The following CSMD2 variants were observed in gnomAD, a reference collection of about 807,000 sequenced individuals.
The protein encoded by CSMD2 is CUB and sushi domain-containing protein 2.
In CSMD2, 130 loss-of-function variants were observed where a neutral mutation model predicts 398.5. The observed-to-expected ratio is 0.33, with a 90% CI of 0.28 to 0.38. The LOEUF is 0.38. Ranked by LOEUF, CSMD2 falls within the 10% of genes least tolerant of loss-of-function variation. The probability of loss-of-function intolerance (pLI) is 1.00; values close to 1 mark genes in which losing one functional copy is unlikely to be tolerated. For missense variants in CSMD2, 3,829 were observed against 4,764.9 expected, an observed-to-expected ratio of 0.80 and a Z score of 5.78; for synonymous variants, 1,828 against 1,908.5, an observed-to-expected ratio of 0.96 and a Z score of 1.10.
In CSMD2 at chr1:33,521,478, C is replaced by T. The variant is rs746146936; in HGVS notation, c.10582G>A (p.Gly3528Ser). 26 of 1,612,098 alleles carry T rather than the reference C, an allele frequency of 1.6e-5. No homozygotes were observed. The highest frequency in any genetic ancestry group is 8.0e-5 in the African/African-American group (6 of 74,992). Reference protein sequence around the residue: ...SVKGQGFGQFGFQRLDLRLLE... With the variant: ...SVKGQGFGQFSFQRLDLRLLE... ...CACTAGTTACCCAGTCTTTGAAAGC[C>T]GAACTGCCCAAAGCCTTGGCCCTTG... Residue 3528 changes from glycine (G) to serine (S), a missense_variant, in exon 68 of 71, where the codon GGC becomes AGC. Coordinates refer to ENST00000373381, the MANE Select transcript of CSMD2 (RefSeq NM_001281956.2).
chr1:33,611,364 A>C, intron 40 of CSMD2, 114 bp from the exon 41 acceptor site: 1 of 899,390 alleles, frequency 1.1e-6, no homozygotes. Context: ...CTGATTTCCC[A>C]CCCAGCCAAG....
chr1:33,578,274 C>T (rs752000352), intron 48 of CSMD2, among the ~76,000 whole-genome samples: 46 of 152,154 alleles, frequency 3.0e-4, no homozygotes, highest in Middle Eastern at 3.2e-3. Context: ...GCTTGCAATA[C>T]AACAGTGAAG....
intron 19 of CSMD2, among the ~76,000 whole-genome samples, chr1:33,718,783 C>T (rs1402876950): frequency 1.3e-5 from 2 of 152,244 alleles, no homozygotes; most frequent in African/African-American, 2.4e-5. Flanking sequence ...AGATAAGCCT[C>T]TAATGCTAAA....
At chr1:33,529,962 G>A (rs148923782) in intron 64 of CSMD2, among the ~76,000 whole-genome samples, 7 of 152,202 alleles carry the variant, frequency 4.6e-5, no homozygotes, top group African/African-American at 9.6e-5. Flanking sequence ...AATGGACAAA[G>A]GATTTGAATA....
At chr1:33,698,397 G>A (rs114493382) in intron 24 of CSMD2, among the ~76,000 whole-genome samples, 112 of 152,300 alleles carry the variant, frequency 7.4e-4, no homozygotes, top group Admixed American at 3.0e-3. Context: ...GTTACGATAA[G>A]CCCTGGAACT....
intron 3 of CSMD2, among the ~76,000 whole-genome samples, chr1:33,979,565 T>G (rs1164259590): frequency 6.6e-6 from 1 of 152,158 alleles, no homozygotes; most frequent in African/African-American, 2.4e-5. Context: ...AGAAACAGAC[T>G]GGTAACAAGA....
chr1:33,938,380 CA>C (rs908904540), intron 3 of CSMD2, among the ~76,000 whole-genome samples: 2 of 150,274 alleles, frequency 1.3e-5, no homozygotes, highest in Non-Finnish European at 3.0e-5. Context: ...TGGCATTTCC[CA>C]TGATCCCCTG....
intron 1 of CSMD2, among the ~76,000 whole-genome samples, chr1:34,143,392 A>G (rs1639482586): frequency 6.6e-6 from 1 of 152,166 alleles, no homozygotes; most frequent in South Asian, 2.1e-4. Flanking sequence ...TGCCTCCTTC[A>G]GGAAGTCATC....
intron 2 of CSMD2, among the ~76,000 whole-genome samples, chr1:34,077,511 C>A (rs1159710560): frequency 7.4e-6 from 1 of 135,980 alleles, no homozygotes; most frequent in East Asian, 2.2e-4. Context: ...CCGAGGCGGG[C>A]GAATCATGAG....
chr1:33,737,646 C>T (rs1404019725), intron 15 of CSMD2, among the ~76,000 whole-genome samples: 6 of 152,072 alleles, frequency 3.9e-5, no homozygotes, highest in Non-Finnish European at 7.4e-5. Context: ...TGGTGAGAGT[C>T]GGGGCTCTGG....
At chr1:33,569,734 C>T (rs1462478045) in intron 51 of CSMD2, among the ~76,000 whole-genome samples, 187 bp from the exon 52 acceptor site, 5 of 152,202 alleles carry the variant, frequency 3.3e-5, no homozygotes, top group Admixed American at 2.6e-4. Flanking sequence ...TCTCCAGAAG[C>T]CCCTGAAGGT....
chr1:34,082,429 C>A (rs548097639), intron 2 of CSMD2, among the ~76,000 whole-genome samples: 1 of 151,932 alleles, frequency 6.6e-6, no homozygotes, highest in South Asian at 2.1e-4. Flanking sequence ...GGCGCCCCCG[C>A]CTGGCAGCCG....
At chr1:33,767,392 T>C (rs1650642639) in intron 13 of CSMD2, among the ~76,000 whole-genome samples, 1 of 152,320 alleles carries the variant, frequency 6.6e-6, no homozygotes, top group South Asian at 2.1e-4. Context: ...ACTTGAAAAA[T>C]ATGAGAACAT....
At chr1:33,819,622 G>A (rs1454002652) in intron 9 of CSMD2, 91 bp downstream of exon 9, 76 of 1,214,852 alleles carry the variant, frequency 6.3e-5, no homozygotes, top group Non-Finnish European at 8.4e-5. Flanking sequence ...GTCTGCTTGA[G>A]AGCCTGGGCC....
chr1:33,785,080 G>A (rs1310086411), intron 12 of CSMD2, among the ~76,000 whole-genome samples: 1 of 152,180 alleles, frequency 6.6e-6, no homozygotes, highest in Non-Finnish European at 1.5e-5. Flanking sequence ...AATTTGTCAC[G>A]GCTCCAAGGA....
At chr1:33,805,485 T>A (rs1276908263) in intron 10 of CSMD2, among the ~76,000 whole-genome samples, 1 of 152,180 alleles carries the variant, frequency 6.6e-6, no homozygotes, top group Non-Finnish European at 1.5e-5. Context: ...TTAGGTAAAA[T>A]TTTAAAATGA....
chr1:33,523,412 G>A lies in CSMD2; in HGVS notation c.10404C>T (p.Tyr3468=). The A allele has an allele frequency of 6.9e-7, 1 of 1,446,028 alleles. No individual in the cohort carries two copies. Among genetic ancestry groups the A allele is most frequent in the Non-Finnish European group, 9.6e-7 (1 of 1,039,490 alleles). 89.6% of individuals were successfully genotyped at this position (1,446,028 alleles called of 1,614,324 possible). A position where few individuals can be genotyped will look rare whatever the true frequency, so the allele number is the denominator to read the frequency against. The change falls in exon 67 of 71, where the codon TAC becomes TAT. Residue 3468 remains tyrosine (Y), a synonymous_variant. Transcript: ENST00000373381. ...GTAGGAGATGAAAATCTTCTTTCTT[G>A]TAAGTTCCTGGGAAATAAAGTTCAG... is the stretch of plus-strand genomic sequence containing the variant. The part of the protein sequence containing the change: ...SGVELHLAGT[Y]KKEDFHLLLQ...
chr1:33,688,245 G>A (rs956446230), intron 25 of CSMD2, among the ~76,000 whole-genome samples: 7 of 152,160 alleles, frequency 4.6e-5, no homozygotes, highest in African/African-American at 1.7e-4. Context: ...ACAGGATGAG[G>A]TAGGTCTATA....
chr1:33,676,063 C>T (rs1644698818), intron 25 of CSMD2, among the ~76,000 whole-genome samples: 2 of 152,304 alleles, frequency 1.3e-5, no homozygotes, highest in African/African-American at 2.4e-5. Context: ...CAGGGATGCC[C>T]TCTCTCACCA....
Sources: allele counts gnomAD v4.1 joint callset (sites outside exome capture counted in the v4.1 genomes callset), GRCh38; gene constraint gnomAD v4.1.1; transcripts MANE v1.5; gene names NCBI Gene and HGNC (gene_info 2026-07-23, HGNC 2026-07-21).